Variants in SFXN4 observed in about 807,000 individuals in gnomAD.
SFXN4 encodes sideroflexin 4.
In SFXN4, 48 loss-of-function variants were observed where a neutral mutation model predicts 54.6. The observed-to-expected ratio is 0.88, with a 90% CI of 0.70 to 1.12. The LOEUF is 1.12. Among genes scored for constraint, SFXN4 ranks in the 50% most tolerant of loss-of-function variants. SFXN4 has a pLI of 0.00. For synonymous variants in SFXN4, 130 were observed against 145.5 expected, an observed-to-expected ratio of 0.89 and a Z score of 0.77; for missense variants, 383 against 409.2, an observed-to-expected ratio of 0.94 and a Z score of 0.55.
intron 13 of SFXN4, among the ~76,000 whole-genome samples, chr10:119,144,031 G>C (rs1418044607): frequency 6.6e-6 from 1 of 152,186 alleles, no homozygotes; most frequent in Non-Finnish European, 1.5e-5. Flanking sequence ...AAAGTTGCTT[G>C]AATGAATGAT....
At chr10:119,161,194 G>T (rs1847516012) in intron 3 of SFXN4, 113 bp from the exon 4 acceptor site, 2 of 930,366 alleles carry the variant, frequency 2.1e-6, no homozygotes, top group Admixed American at 2.2e-5. Context: ...ACTCACTGCA[G>T]AACAGCCTCG....
At chr10:119,158,685 G>C (rs920330994) in intron 6 of SFXN4, among the ~76,000 whole-genome samples, 4 of 150,958 alleles carry the variant, frequency 2.6e-5, no homozygotes, top group Non-Finnish European at 4.4e-5. Context: ...CCTGTGGTGT[G>C]GACAAGTACC....
chr10:119,163,698 C>G (rs1302019641), intron 2 of SFXN4, among the ~76,000 whole-genome samples: 2 of 151,940 alleles, frequency 1.3e-5, no homozygotes, highest in South Asian at 4.1e-4. Context: ...CCACGGCACA[C>G]GGTCAGATGT....
chr10:119,161,203 C>T (rs759210271), intron 3 of SFXN4, 122 bp from the exon 4 acceptor site: 8 of 902,882 alleles, frequency 8.9e-6, no homozygotes, highest in African/African-American at 3.3e-5. Flanking sequence ...AGAACAGCCT[C>T]GAACTACTGG....
At chr10:119,154,796 C>T (rs551192200) in intron 11 of SFXN4, among the ~76,000 whole-genome samples, 28 of 152,250 alleles carry the variant, frequency 1.8e-4, no homozygotes, top group African/African-American at 5.8e-4. Context: ...TGCACCATTG[C>T]ACTCCAGGCC....
intron 6 of SFXN4, 79 bp from the exon 7 acceptor site, chr10:119,158,141 G>T (rs949051682): frequency 1.2e-5 from 16 of 1,368,154 alleles, no homozygotes; most frequent in Non-Finnish European, 1.6e-5. Context: ...CTTTCCAGGG[G>T]AGAGGGAGAA....
chr10:119,164,241 A>C (rs761810885), intron 1 of SFXN4, 45 bp from the exon 2 acceptor site: 2 of 1,220,148 alleles, frequency 1.6e-6, no homozygotes, highest in Non-Finnish European at 2.4e-6. Flanking sequence ...GCAGCAGAAA[A>C]ATAAAGATAT....
chr10:119,145,775 AT>A (rs1335204085), intron 13 of SFXN4, among the ~76,000 whole-genome samples: 6 of 152,138 alleles, frequency 3.9e-5, no homozygotes, highest in African/African-American at 1.4e-4. Context: ...TTATACTTGG[AT>A]TTTTGACTAC....
intron 11 of SFXN4, 75 bp downstream of exon 11, chr10:119,154,987 G>T: frequency 2.0e-6 from 2 of 982,224 alleles, no homozygotes; most frequent in Non-Finnish European, 3.2e-6. Flanking sequence ...ACATGAATTT[G>T]TCACCGGCTT....
rs746816659 is a variant in SFXN4 at position 119,155,181 on chromosome 10, T to C, written c.617-4A>G. 151 of 1,599,876 alleles carry C rather than the reference T, an allele frequency of 9.4e-5. No individual in the cohort carries two copies. In the Admixed American group the frequency reaches 2.4e-3, roughly 26 times the overall value. ...ACATTCATTCCACTGGCTTGCACTG[T>C]AGATGTAAAGAAGTAAAGAACACCC... On this transcript the variant is annotated splice_region_variant and splice_polypyrimidine_tract_variant and intron_variant, in intron 10 of 13. Coordinates refer to ENST00000355697, the MANE Select transcript of SFXN4 (RefSeq NM_213649.2).
In SFXN4 at chr10:119,160,915, C is replaced by A; in HGVS notation, c.334G>T (p.Ala112Ser). 6.2e-7 allele frequency: 1 copy of A among 1,614,026 alleles called. No homozygotes were observed. Among genetic ancestry groups the A allele is most frequent in the Non-Finnish European group, 8.5e-7 (1 of 1,179,972 alleles). The change falls in exon 5 of 14, where the codon GCG becomes TCG. Residue 112 changes from alanine (A) to serine (S), a missense_variant and splice_region_variant. Ala to Ser is a moderately conservative substitution (Grantham distance 99). Coordinates refer to ENST00000355697, the MANE Select transcript of SFXN4 (RefSeq NM_213649.2). ...NLIPKLFRPA[A>S]FLPFMAPTVF... is the part of the protein sequence containing the mutation. ...CTTCTGAAAATTAGAACCAACTCACCTGCAGGTCGAAAAAGCTTGGGGATC... is the reference window on the plus strand; with the variant it reads ...CTTCTGAAAATTAGAACCAACTCACATGCAGGTCGAAAAAGCTTGGGGATC...
intron 13 of SFXN4, among the ~76,000 whole-genome samples, chr10:119,145,476 G>C (rs1416558084): frequency 6.6e-6 from 1 of 151,858 alleles, no homozygotes; most frequent in African/African-American, 2.4e-5. Context: ...GCTAATTTTT[G>C]TATTTTTAGT....
chr10:119,156,675 C>A lies in SFXN4; in HGVS notation c.616+3G>T. On this transcript the variant is annotated splice_donor_region_variant and intron_variant, in intron 10 of 13. Transcript: ENST00000355697. ...ACTGCAGCCTCCAGCCCTTCCTGCT[C>A]ACCGAGGAAGATCACAGGTAAGAGT... 6.2e-7 allele frequency: 1 copy of A among 1,606,420 alleles called. No homozygotes were observed. Among genetic ancestry groups the A allele is most frequent in the South Asian group, 1.1e-5 (1 of 89,942 alleles).
intron 11 of SFXN4, among the ~76,000 whole-genome samples, chr10:119,151,660 C>T (rs1847074159): frequency 6.6e-6 from 1 of 151,690 alleles, no homozygotes; most frequent in Admixed American, 6.6e-5. Context: ...GGACTACAGG[C>T]ATGAGCCACC....
In SFXN4 at chr10:119,146,353, C is replaced by G. The variant is rs1846795674; in HGVS notation, c.819G>C (p.Arg273Ser). The change falls in exon 13 of 14, where the codon AGG becomes AGC. Residue 273 changes from arginine to serine, a missense_variant and splice_region_variant. By Grantham distance (110) the Arg-to-Ser change is moderately radical. Coordinates refer to ENST00000355697, the MANE Select transcript of SFXN4 (RefSeq NM_213649.2). ...IPEVFTYFFK[R>S]TQYFRKNPGS... ...CTGGGTTTTTCCTGAAATACTGGGT[C>G]CTGTAAGAGACAAGGCATGGCTCAC... 1.3e-6 allele frequency: 2 copies of G among 1,582,264 alleles called. No homozygotes were observed. Among genetic ancestry groups the G allele is most frequent in the South Asian group, 2.2e-5 (2 of 90,044 alleles).
chr10:119,165,413 G>GA (rs1847727684), intron 1 of SFXN4, 124 bp downstream of exon 1: 1 of 1,336,528 alleles, frequency 7.5e-7, no homozygotes, highest in South Asian at 1.7e-5. Context: ...GCACAACTCC[G>GA]AGAGGAGGAA....
chr10:119,147,485 C>G (rs1209558166), intron 12 of SFXN4, among the ~76,000 whole-genome samples: 2 of 152,194 alleles, frequency 1.3e-5, no homozygotes, highest in African/African-American at 4.8e-5. Flanking sequence ...GCAAATCATC[C>G]AAGCCCCTCA....
In SFXN4 at chr10:119,165,523, G is replaced by A. The variant is rs1270023773; in HGVS notation, c.111+14C>T. 6.4e-7 allele frequency: 1 copy of A among 1,573,324 alleles called. No individual in the cohort carries two copies. The highest frequency in any genetic ancestry group is 2.5e-5 in the East Asian group (1 of 39,536). ...CCCCTCCCTGCCCCTAGTCGCGCCG[G>A]GCCCGGGCCGTACTTGGCGCTCGGT... On this transcript the variant is annotated intron_variant, in intron 1 of 13. Transcript: ENST00000355697.
rs746672598 is a variant in SFXN4, at chr10:119,160,955, G to T, written c.294C>A (p.Pro98=). 6.2e-7 allele frequency: 1 copy of T among 1,614,076 alleles called. No individual in the cohort carries two copies. Among genetic ancestry groups the T allele is most frequent in the South Asian group, 1.1e-5 (1 of 91,070 alleles). ...AWKRSLATVH[P]DSSNLIPKLF... ...GCTTGGGGATCAGGTTGCTGCTGTC[G>T]GGATGCACTGTTGCCTTCAAAAGGA... Residue 98 remains proline, a synonymous_variant, in exon 5 of 14, where the codon CCC becomes CCA. Transcript: ENST00000355697.
Sources: gnomAD v4.1 joint callset for allele counts (sites outside exome capture counted in the v4.1 genomes callset) on GRCh38, gnomAD v4.1.1 for gene constraint, MANE v1.5 for transcripts, NCBI Gene and HGNC (gene_info 2026-07-23, HGNC 2026-07-21) for gene names.